The following CTNND2 variants were observed in gnomAD, a reference collection of about 807,000 sequenced individuals.
CTNND2 encodes catenin delta-2.
CTNND2 carries 22 observed loss-of-function variants against 144.4 expected under a neutral mutation model. That is an observed-to-expected ratio of 0.15 (90% CI 0.11 to 0.22). The LOEUF is 0.22. Among genes scored for constraint, CTNND2 ranks in the 10% least tolerant of loss-of-function variants. The pLI, the probability that CTNND2 is intolerant of heterozygous loss-of-function variation, is 1.00. For missense variants in CTNND2, 1,353 were observed against 1,618.8 expected (o/e 0.84, Z 2.82); for synonymous variants, 751 against 695.6 (o/e 1.08, Z -1.25).
At chr5:11,264,383 A>G (rs897674460) in intron 9 of CTNND2, among the ~76,000 whole-genome samples, 4 of 152,210 alleles carry the variant, frequency 2.6e-5, no homozygotes, top group African/African-American at 9.6e-5. Context: ...TTCAGAAACA[A>G]ACAGTGGGCC....
At chr5:10,995,266 A>G (rs1242032230) in intron 18 of CTNND2, among the ~76,000 whole-genome samples, 4 of 152,206 alleles carry the variant, frequency 2.6e-5, no homozygotes, top group African/African-American at 7.2e-5. Flanking sequence ...AGGGGTGCAA[A>G]GAGTAGGGGA....
At position 11,058,022 on chromosome 5, in the gene CTNND2, G is replaced by C. The variant is rs369425641; in HGVS notation, c.2788+24674C>G. ...TTCTAAGCAGCAAAGCATTCAAAAG[G>C]TGACTTGGGTACTGTTAAAAGCATT... On this transcript the variant is annotated intron_variant, in intron 16 of 21. Transcript: ENST00000304623. 2.6e-5 allele frequency among the ~76,000 whole-genome samples: 4 copies of C among 152,350 alleles called. No individual in the cohort carries two copies. The South Asian group carries it at 6.2e-4, about 24-fold the overall frequency.
Position 11,159,626 on chromosome 5 carries a change from T to C in CTNND2, c.2109A>G (p.Lys703=). The change falls in exon 12 of 22, where the codon AAA becomes AAG. Residue 703 remains lysine, a synonymous_variant. Coordinates refer to ENST00000304623, the MANE Select transcript of CTNND2 (RefSeq NM_001332.4). The part of the protein sequence containing the change: ...WENSPLQDDR[K]IQLHSSQVLR... Reference sequence around the variant, plus strand: ...GCACCTGTGATGAATGCAGCTGTATTTTCCGATCATCCTGAAGAGGCGAAT... The same window carrying C: ...GCACCTGTGATGAATGCAGCTGTATCTTCCGATCATCCTGAAGAGGCGAAT... The C allele has an allele frequency of 6.2e-7, 1 of 1,613,632 alleles. No homozygotes were observed. The highest frequency in any genetic ancestry group is 8.5e-7 in the Non-Finnish European group (1 of 1,179,814).
At chr5:11,551,432 C>CT (rs70949326) in intron 3 of CTNND2, among the ~76,000 whole-genome samples, 1,394 of 100,822 alleles carry the variant, frequency 0.014, 45 homozygotes, top group African/African-American at 0.041. Flanking sequence ...TTTCTTTTTT[C>CT]TTTTTTTTTT....
At chr5:11,557,709 T>C (rs1776344308) in intron 3 of CTNND2, among the ~76,000 whole-genome samples, 2 of 151,808 alleles carry the variant, frequency 1.3e-5, no homozygotes, top group South Asian at 4.2e-4. Context: ...ATTAGGAGAG[T>C]GAGGCCCCTT....
At chr5:11,616,849 C>T (rs907269274) in intron 2 of CTNND2, among the ~76,000 whole-genome samples, 12 of 152,276 alleles carry the variant, frequency 7.9e-5, no homozygotes, top group African/African-American at 2.9e-4. Flanking sequence ...TCAAGTGACC[C>T]ACATATCTCT....
chr5:11,471,731 AC>A (rs1767253443), intron 3 of CTNND2, among the ~76,000 whole-genome samples: 1 of 152,202 alleles, frequency 6.6e-6, no homozygotes, highest in Non-Finnish European at 1.5e-5. Context: ...AAAAATTGAT[AC>A]AGAAGCTTGC....
At chr5:11,085,901 T>C (rs1750085940) in intron 15 of CTNND2, among the ~76,000 whole-genome samples, 1 of 152,100 alleles carries the variant, frequency 6.6e-6, no homozygotes, top group South Asian at 2.1e-4. Flanking sequence ...TCTTCTAGGA[T>C]GACTGCAGTG....
chr5:11,552,867 T>C (rs1775885165), intron 3 of CTNND2, among the ~76,000 whole-genome samples: 1 of 152,236 alleles, frequency 6.6e-6, no homozygotes, highest in South Asian at 2.1e-4. Context: ...TCCAATGTTC[T>C]ATAATGACCA....
In CTNND2 at chr5:10,971,937, A is replaced by G. The variant is rs932886148; in HGVS notation, c.*1516T>C. 2.0e-5 allele frequency: 3 copies of G among 152,630 alleles called. No individual in the cohort carries two copies. The highest frequency in any genetic ancestry group is 4.8e-5 in the African/African-American group (2 of 41,452). 9.5% of individuals were successfully genotyped at this position (152,630 alleles called of 1,614,324 possible). On this transcript the variant is annotated 3_prime_UTR_variant, in exon 22 of 22. Coordinates refer to ENST00000304623, the MANE Select transcript of CTNND2 (RefSeq NM_001332.4). ...TGCATCTAAAGAGCAAAGCTAGTTTACCCGCGGCCCATGTTCTTTTCGATG... is the reference window on the plus strand; with the variant it reads ...TGCATCTAAAGAGCAAAGCTAGTTTGCCCGCGGCCCATGTTCTTTTCGATG...
At position 11,537,959 on chromosome 5, in the gene CTNND2, C is replaced by T. The variant is rs60968476; in HGVS notation, c.287+26985G>A. Among the ~76,000 whole-genome samples, 1,417 of 152,250 alleles carry T rather than the reference C, an allele frequency of 9.3e-3. 26 individuals are homozygous for T. Among genetic ancestry groups the T allele is most frequent in the East Asian group, 0.072 (372 of 5,182 alleles). On this transcript the variant is annotated intron_variant, in intron 3 of 21. Transcript: ENST00000304623. ...ACTTAAGATTCTCTTTATTCACCTA[C>T]GCTGTTACTAGAATATTCTGAAGCA... is the stretch of plus-strand genomic sequence containing the variant.
At chr5:11,522,538 C>G (rs185002872) in intron 3 of CTNND2, among the ~76,000 whole-genome samples, 11 of 152,300 alleles carry the variant, frequency 7.2e-5, no homozygotes, top group African/African-American at 2.6e-4. Flanking sequence ...CGGGCTCTAT[C>G]TACAGGGAGA....
intron 9 of CTNND2, among the ~76,000 whole-genome samples, chr5:11,322,115 T>C (rs1752095344): frequency 6.6e-6 from 1 of 152,192 alleles, no homozygotes; most frequent in African/African-American, 2.4e-5. Context: ...ATACTCTTTC[T>C]TTTGCAGAAA....
At chr5:11,139,052 C>T (rs918427060) in intron 12 of CTNND2, among the ~76,000 whole-genome samples, 42 of 152,154 alleles carry the variant, frequency 2.8e-4, no homozygotes, top group African/African-American at 7.0e-4. Flanking sequence ...CCTCTGCCTC[C>T]GGGATTCAAG....
chr5:11,369,266 A>C (rs1298830023), intron 7 of CTNND2, among the ~76,000 whole-genome samples: 1 of 152,230 alleles, frequency 6.6e-6, no homozygotes, highest in East Asian at 1.9e-4. Context: ...CTTTTTAGAA[A>C]GGAATAGGGC....
rs572478864 is a variant in CTNND2 at position 11,209,906 on chromosome 5, C to T, written c.1762-10245G>A. Among the ~76,000 whole-genome samples the T allele has an allele frequency of 6.6e-5, 10 of 151,628 alleles. No homozygotes were observed. The South Asian group carries it at 8.4e-4, about 13-fold the overall frequency. On this transcript the variant is annotated intron_variant, in intron 10 of 21. Coordinates refer to ENST00000304623, the MANE Select transcript of CTNND2 (RefSeq NM_001332.4). ...CACTGCACTCCAGCCTGGGAGACAGCGAGACTCTGTCTCAAACAAACAACA... is the reference window on the plus strand; with the variant it reads ...CACTGCACTCCAGCCTGGGAGACAGTGAGACTCTGTCTCAAACAAACAACA...
chr5:11,378,357 G>A (rs1002891139), intron 7 of CTNND2, among the ~76,000 whole-genome samples: 16 of 152,308 alleles, frequency 1.1e-4, no homozygotes, highest in African/African-American at 2.4e-4. Flanking sequence ...GCAATGAGTC[G>A]CTGTCGTTGG....
At chr5:11,327,666 T>C (rs1388843174) in intron 9 of CTNND2, among the ~76,000 whole-genome samples, 1 of 152,174 alleles carries the variant, frequency 6.6e-6, no homozygotes, top group East Asian at 1.9e-4. Flanking sequence ...AGGAGTAACA[T>C]CATAACGTCA....
intron 11 of CTNND2, among the ~76,000 whole-genome samples, chr5:11,182,129 A>G (rs1280997646): frequency 3.5e-4 from 23 of 66,084 alleles, no homozygotes; most frequent in South Asian, 5.6e-4. Flanking sequence ...GTGTGTGTGG[A>G]TGGGGTGTGT....
Sources: gnomAD v4.1 joint callset for allele counts (sites outside exome capture counted in the v4.1 genomes callset) on GRCh38, gnomAD v4.1.1 for gene constraint, MANE v1.5 for transcripts, NCBI Gene and HGNC (gene_info 2026-07-23, HGNC 2026-07-21) for gene names.